CLTCL1: variants seen among roughly 807,000 people sequenced by gnomAD.
CLTCL1 encodes the protein clathrin heavy chain 2.
Under a neutral mutation model 190.0 loss-of-function variants are expected in CLTCL1, and 159 were observed. The observed-to-expected ratio is 0.84, with a 90% CI of 0.74 to 0.95. The LOEUF is 0.95. CLTCL1 is among the 40% of genes least tolerant of loss of function. The pLI is 0.00. For missense variants in CLTCL1, 1,878 were observed against 2,033.4 expected (o/e 0.92, Z 1.47); for synonymous variants, 752 against 769.6 (o/e 0.98, Z 0.38).
At chr22:19,223,259 A>G (rs2085633496) in intron 14 of CLTCL1, among the ~76,000 whole-genome samples, 1 of 152,020 alleles carries the variant, frequency 6.6e-6, no homozygotes, top group African/African-American at 2.4e-5. Context: ...GCCTCCCCTC[A>G]TGTGGTCCCG....
At chr22:19,263,571 G>A (rs2087023843) in intron 2 of CLTCL1, among the ~76,000 whole-genome samples, 1 of 151,958 alleles carries the variant, frequency 6.6e-6, no homozygotes, top group Non-Finnish European at 1.5e-5. Context: ...CCGCCACCAC[G>A]CCCAGCTAAT....
At chr22:19,182,743 G>T (rs2084181567) in intron 30 of CLTCL1, 1 of 152,320 alleles carries the variant, frequency 6.6e-6, no homozygotes, top group African/African-American at 2.4e-5. Context: ...GCTACTGGAA[G>T]TAGCTTTTCC....
At chr22:19,277,672 T>C (rs2087564170) in intron 1 of CLTCL1, among the ~76,000 whole-genome samples, 1 of 152,220 alleles carries the variant, frequency 6.6e-6, no homozygotes, top group African/African-American at 2.4e-5. Context: ...AGTGGTTTAT[T>C]AAGCATAGGA....
chr22:19,274,529 T>C (rs1452210668), intron 2 of CLTCL1, among the ~76,000 whole-genome samples: 1 of 152,188 alleles, frequency 6.6e-6, no homozygotes, highest in Non-Finnish European at 1.5e-5. Flanking sequence ...GTAGGGTTGG[T>C]AATAGAACAA....
In CLTCL1 at chr22:19,191,289, T is replaced by G. The variant is rs2084494808; in HGVS notation, c.4323+15A>C. On this transcript the variant is annotated intron_variant, in intron 27 of 32. Transcript: ENST00000427926. ...GCCCAATACACTCTTCTACCTGGGG[T>G]TTTGGTTGACTCACCTTTGAAAAGA... is the stretch of plus-strand genomic sequence containing the variant. 6.2e-7 allele frequency: 1 copy of G among 1,613,652 alleles called. No homozygotes were observed. Among genetic ancestry groups the G allele is most frequent in the African/African-American group, 1.3e-5 (1 of 74,878 alleles).
intron 2 of CLTCL1, among the ~76,000 whole-genome samples, chr22:19,268,456 T>TA (rs1215639185): frequency 6.6e-6 from 1 of 152,178 alleles, no homozygotes; most frequent in Non-Finnish European, 1.5e-5. Flanking sequence ...ACATAGCTGA[T>TA]AAACTATGTA....
At chr22:19,208,601 T>C (rs1247479548) in intron 21 of CLTCL1, among the ~76,000 whole-genome samples, 1 of 151,550 alleles carries the variant, frequency 6.6e-6, no homozygotes, top group Non-Finnish European at 1.5e-5. Context: ...GGTGCCACAA[T>C]CAACTTGAAA....
intron 27 of CLTCL1, among the ~76,000 whole-genome samples, chr22:19,189,774 TATTG>T (rs1193105189): frequency 6.6e-6 from 1 of 152,226 alleles, no homozygotes; most frequent in Non-Finnish European, 1.5e-5. Flanking sequence ...TCCAACTTCT[TATTG>T]ATACATGATA....
intron 3 of CLTCL1, among the ~76,000 whole-genome samples, chr22:19,245,464 T>A (rs2086390793): frequency 6.6e-6 from 1 of 152,138 alleles, no homozygotes; most frequent in Non-Finnish European, 1.5e-5. Flanking sequence ...AGTGCTGGGA[T>A]TACAGGCGTA....
chr22:19,203,529 C>G (rs1475908285), intron 22 of CLTCL1, among the ~76,000 whole-genome samples: 1 of 152,180 alleles, frequency 6.6e-6, no homozygotes, highest in Non-Finnish European at 1.5e-5. Context: ...TCCAGACAGA[C>G]GCAGACATGG....
At chr22:19,180,891 A>G (rs1601414022) in intron 30 of CLTCL1, 85 bp from the exon 31 acceptor site, 14 of 1,167,114 alleles carry the variant, frequency 1.2e-5, no homozygotes, top group Non-Finnish European at 1.5e-5. Flanking sequence ...AGGTCAGGAC[A>G]CAGGGCCTCC....
At chr22:19,266,732 A>C (rs1555978088) in intron 2 of CLTCL1, among the ~76,000 whole-genome samples, 1 of 152,206 alleles carries the variant, frequency 6.6e-6, no homozygotes, top group East Asian at 1.9e-4. Flanking sequence ...TTACCACAGG[A>C]ATGCAAGGTT....
chr22:19,253,791 C>T (rs1274377188), intron 3 of CLTCL1, among the ~76,000 whole-genome samples, 168 bp downstream of exon 3: 2 of 152,044 alleles, frequency 1.3e-5, no homozygotes, highest in Non-Finnish European at 2.9e-5. Context: ...ACCTCAAACC[C>T]CTGACCTCAA....
chr22:19,256,396 G>A (rs1284874406), intron 2 of CLTCL1, among the ~76,000 whole-genome samples: 1 of 100,804 alleles, frequency 9.9e-6, no homozygotes, highest in African/African-American at 3.9e-5. Flanking sequence ...TCTCTCTGTT[G>A]CCCAGGCTGG....
chr22:19,196,477 A>G lies in CLTCL1; in HGVS notation c.4041+12T>C. The G allele has an allele frequency of 6.2e-7, 1 of 1,614,026 alleles. No homozygotes were observed. The highest frequency in any genetic ancestry group is 8.5e-7 in the Non-Finnish European group (1 of 1,179,878). ...TGGCCACGGCTGCCAGACTGCAAGG[A>G]GTACACGGTACCTTTGGGATGTTGA... On this transcript the variant is annotated intron_variant, in intron 25 of 32. Coordinates refer to ENST00000427926, the MANE Select transcript of CLTCL1 (RefSeq NM_007098.4).
rs539756355 is a variant in CLTCL1 at position 19,241,003 on chromosome 22, C to T, written c.682-1615G>A. The stretch of plus-strand genomic sequence containing the variant: ...AGGAAGGTGCATGCCTGGGCACAGG[C>T]GGGGCGGGCACCCTCCCAGGACCCC... On this transcript the variant is annotated intron_variant, in intron 4 of 32. Coordinates refer to ENST00000427926, the MANE Select transcript of CLTCL1 (RefSeq NM_007098.4). Among the ~76,000 whole-genome samples the T allele has an allele frequency of 1.1e-4, 17 of 152,328 alleles. No homozygotes were observed. In the East Asian group the frequency reaches 2.1e-3, roughly 19 times the overall value.
At chr22:19,230,973 C>T (rs191336203) in intron 10 of CLTCL1, among the ~76,000 whole-genome samples, 17 of 152,286 alleles carry the variant, frequency 1.1e-4, no homozygotes, top group African/African-American at 4.1e-4. Flanking sequence ...CTGGGACATT[C>T]TCCACCTCCT....
chr22:19,221,968 T>C lies in CLTCL1; in HGVS notation c.2544A>G (p.Glu848=). ...CACCTTACCTATTTCTTTTTTCTAC[T>C]TCAGCCACCAACTCATCAGTAGAGA... The part of the protein sequence containing the change: ...GQFSTDELVA[E]VEKRNRLKLL... Residue 848 remains glutamate, a synonymous_variant, in exon 16 of 33, where the codon GAA becomes GAG. Transcript: ENST00000427926. 1.2e-6 allele frequency: 2 copies of C among 1,613,956 alleles called. No homozygotes were observed. The highest frequency in any genetic ancestry group is 1.1e-5 in the South Asian group (1 of 91,078).
chr22:19,233,119 C>A (rs782261822), intron 9 of CLTCL1, 47 bp downstream of exon 9: 12 of 1,575,080 alleles, frequency 7.6e-6, no homozygotes, highest in Non-Finnish European at 9.5e-6. Context: ...AACCACTCAA[C>A]CACACGTGAG....
Sources: gnomAD v4.1 joint callset for allele counts (sites outside exome capture counted in the v4.1 genomes callset) on GRCh38, gnomAD v4.1.1 for gene constraint, MANE v1.5 for transcripts, NCBI Gene and HGNC (gene_info 2026-07-23, HGNC 2026-07-21) for gene names.